The following TAOK1 variants were observed in gnomAD, a reference collection of about 807,000 sequenced individuals.
TAOK1 encodes the protein TAO kinase 1.
A neutral mutation model predicts 138.3 loss-of-function variants in TAOK1; 21 were observed. That is an observed-to-expected ratio of 0.15 (90% confidence interval 0.11 to 0.22). The LOEUF (loss-of-function observed/expected upper bound fraction) is 0.22, where lower values mean the gene tolerates loss of function less well. Ranked by LOEUF, TAOK1 falls within the 10% of genes least tolerant of loss-of-function variation. The pLI is 1.00. For synonymous variants in TAOK1, 361 were observed against 398.4 expected (o/e 0.91, Z 1.12); for missense variants, 651 against 1,227.7 (o/e 0.53, Z 7.02).
Position 29,435,635 on chromosome 17 carries a change from C to G in TAOK1, c.-94-15820C>G, listed in dbSNP as rs185902436. On this transcript the variant is annotated intron_variant, in intron 1 of 19. Transcript: ENST00000261716. ...GGTCAGGAACCCTGTACAAGGACTG[C>G]GAAGATGAGGGTATTAGGTCACTTT... Among the ~76,000 whole-genome samples the G allele has an allele frequency of 2.3e-4, 35 of 152,192 alleles. No homozygotes were observed. In the East Asian group the frequency reaches 6.0e-3, roughly 26 times the overall value.
At chr17:29,467,435 A>G (rs539744650) in intron 3 of TAOK1, among the ~76,000 whole-genome samples, 110 of 152,062 alleles carry the variant, frequency 7.2e-4, no homozygotes, top group Admixed American at 2.0e-3. Context: ...CACCACGCCC[A>G]GCTAATTTTT....
At chr17:29,490,779 A>G (rs912326449) in intron 9 of TAOK1, among the ~76,000 whole-genome samples, 9 of 152,202 alleles carry the variant, frequency 5.9e-5, no homozygotes, top group Admixed American at 5.2e-4. Flanking sequence ...TGGGAAGTCC[A>G]GGACCAAGGC....
At chr17:29,492,009 C>T (rs2031305091) in intron 10 of TAOK1, 144 bp downstream of exon 10, 2 of 587,848 alleles carry the variant, frequency 3.4e-6, no homozygotes, top group East Asian at 5.7e-5. Context: ...CTCAGCCTCC[C>T]AAGTAGCCGG....
At chr17:29,522,257 T>G in intron 16 of TAOK1, 23 bp from the exon 17 acceptor site, 1 of 1,612,130 alleles carries the variant, frequency 6.2e-7, no homozygotes, top group Non-Finnish European at 8.5e-7. Flanking sequence ...AGTTATACCT[T>G]TGTCTTTTGT....
At chr17:29,511,323 T>TC (rs1262040026) in intron 15 of TAOK1, 1 of 153,776 alleles carries the variant, frequency 6.5e-6, no homozygotes, top group African/African-American at 2.4e-5. Flanking sequence ...AAGCTCTGCC[T>TC]ACTGGGTTCA....
intron 1 of TAOK1, among the ~76,000 whole-genome samples, chr17:29,447,378 A>G (rs1173781730): frequency 6.6e-6 from 1 of 151,974 alleles, no homozygotes; most frequent in East Asian, 1.9e-4. Flanking sequence ...TGTCACCCAG[A>G]CTGGAGGGCA....
chr17:29,485,549 G>T (rs950500324), intron 8 of TAOK1, among the ~76,000 whole-genome samples: 2 of 152,142 alleles, frequency 1.3e-5, no homozygotes, highest in African/African-American at 4.8e-5. Context: ...AGAGGTGGAC[G>T]ACCCCCTTTA....
At chr17:29,424,092 A>G (rs115163390) in intron 1 of TAOK1, among the ~76,000 whole-genome samples, 316 of 149,028 alleles carry the variant, frequency 2.1e-3, no homozygotes, top group African/African-American at 7.5e-3. Flanking sequence ...GGCCCAGTAT[A>G]TGGTGTATTT....
At chr17:29,517,739 G>A in intron 16 of TAOK1, 83 bp downstream of exon 16, 2 of 1,351,580 alleles carry the variant, frequency 1.5e-6, no homozygotes, top group Non-Finnish European at 2.0e-6. Context: ...CTAGTCTCAG[G>A]GACTTTGCAC....
intron 3 of TAOK1, among the ~76,000 whole-genome samples, chr17:29,472,684 C>T (rs1345659236): frequency 6.6e-6 from 1 of 151,968 alleles, no homozygotes; most frequent in Non-Finnish European, 1.5e-5. Flanking sequence ...AAGTGATTCT[C>T]CTGCCTCAGC....
At chr17:29,527,288 CAAAAAAAGAAA>C (rs530883306) in intron 17 of TAOK1, among the ~76,000 whole-genome samples, 173 of 151,718 alleles carry the variant, frequency 1.1e-3, no homozygotes, top group African/African-American at 4.1e-3. Context: ...GACCCTGTCT[CAAAAAAAGAAA>C]AGAAAAAGAT....
chr17:29,496,233 T>C (rs1441189490), intron 11 of TAOK1, among the ~76,000 whole-genome samples: 4 of 152,060 alleles, frequency 2.6e-5, no homozygotes, highest in East Asian at 1.9e-4. Flanking sequence ...CCCGAGTAGC[T>C]GGGATTATAG....
intron 19 of TAOK1, among the ~76,000 whole-genome samples, chr17:29,536,461 AT>A (rs2032224613): frequency 6.8e-6 from 1 of 147,740 alleles, no homozygotes; most frequent in African/African-American, 2.5e-5. Context: ...TAACCCGGGC[AT>A]GATGGCGGGT....
chr17:29,529,211 AAC>A (rs1467432564), intron 17 of TAOK1, among the ~76,000 whole-genome samples: 3 of 152,118 alleles, frequency 2.0e-5, no homozygotes, highest in Non-Finnish European at 4.4e-5. Context: ...CTGGCCTATA[AAC>A]AATCCTGCCT....
intron 11 of TAOK1, among the ~76,000 whole-genome samples, chr17:29,497,826 A>G (rs1333641703): frequency 6.6e-6 from 1 of 151,902 alleles, no homozygotes; most frequent in African/African-American, 2.4e-5. Context: ...TAACAACTAC[A>G]ATGAAGTTTC....
intron 1 of TAOK1, among the ~76,000 whole-genome samples, chr17:29,441,709 GC>G (rs2029943449): frequency 6.6e-6 from 1 of 152,092 alleles, no homozygotes; most frequent in Non-Finnish European, 1.5e-5. Context: ...GACCATCCTG[GC>G]CAACATGGTG....
At position 29,498,300 on chromosome 17, in the gene TAOK1, A is replaced by C; in HGVS notation, c.1000-18A>C. On this transcript the variant is annotated intron_variant, in intron 11 of 19. Transcript: ENST00000261716. ...ATATATTAATATTTGAACTGAACTG[A>C]ATGTCCTTTTCTCTTAGGAACAAGA... 1 of 1,613,622 alleles carries C rather than the reference A, an allele frequency of 6.2e-7. No homozygotes were observed.
At chr17:29,398,984 A>ATTTTT (rs529390776) in intron 1 of TAOK1, among the ~76,000 whole-genome samples, 1 of 138,408 alleles carries the variant, frequency 7.2e-6, no homozygotes, top group African/African-American at 2.7e-5. Flanking sequence ...CATTGAGATA[A>ATTTTT]TTTTTTTTTT....
At chr17:29,501,472 A>G (rs2031529722) in intron 12 of TAOK1, among the ~76,000 whole-genome samples, 1 of 151,412 alleles carries the variant, frequency 6.6e-6, no homozygotes, top group Non-Finnish European at 1.5e-5. Context: ...GTTGCTACTT[A>G]ACTGATGTTC....
Sources: allele counts gnomAD v4.1 joint callset (sites outside exome capture counted in the v4.1 genomes callset), GRCh38; gene constraint gnomAD v4.1.1; transcripts MANE v1.5; gene names NCBI Gene and HGNC (gene_info 2026-07-23, HGNC 2026-07-21).